Variants in P2RY8 observed in about 807,000 individuals in gnomAD.
P2RY8 encodes P2Y receptor family member 8.
A neutral mutation model predicts 10.0 loss-of-function variants in P2RY8; 6 were observed. The ratio of observed to expected loss-of-function variants is 0.60; its 90% confidence interval spans 0.33 to 1.19. The LOEUF is 1.19. P2RY8 is among the 50% of genes most tolerant of loss of function. P2RY8 has a pLI of 0.04. For synonymous variants in P2RY8, 276 were observed against 252.5 expected (o/e 1.09, Z -0.88); for missense variants, 456 against 542.0 (o/e 0.84, Z 1.58).
intron 1 of P2RY8, among the ~76,000 whole-genome samples, chrX:1,476,664 T>C (rs1453813672): frequency 6.6e-6 from 1 of 151,904 alleles, no homozygotes; most frequent in Non-Finnish European, 1.5e-5. Context: ...ATGCCAGGTC[T>C]AGAAGAACAA....
At chrX:1,477,199 A>AAAG (rs1556675926) in intron 1 of P2RY8, among the ~76,000 whole-genome samples, 3 of 148,366 alleles carry the variant, frequency 2.0e-5, no homozygotes, top group Non-Finnish European at 3.0e-5. Context: ...AAAAAAAAAA[A>AAAG]AAGAAGAAGA....
At chrX:1,471,806 C>CT (rs1336389586) in intron 1 of P2RY8, among the ~76,000 whole-genome samples, 19 of 152,216 alleles carry the variant, frequency 1.2e-4, no homozygotes, top group African/African-American at 4.6e-4. Context: ...GTGACAGACC[C>CT]TTTTTTGCCA....
At chrX:1,524,282 CCACT>C (rs1356546487) in intron 1 of P2RY8, among the ~76,000 whole-genome samples, 17 of 152,052 alleles carry the variant, frequency 1.1e-4, no homozygotes, top group African/African-American at 4.1e-4. Flanking sequence ...TTCTGCGGAT[CCACT>C]CATCCCTTTA....
chrX:1,508,696 TCCATCCATTCTATCTA>T (rs1471071869), intron 1 of P2RY8, among the ~76,000 whole-genome samples: 1 of 91,216 alleles, frequency 1.1e-5, no homozygotes, highest in Admixed American at 1.1e-4. Context: ...CATCCATCCA[TCCATCCATTCTATCTA>T]TCTATCTATC....
At chrX:1,482,686 C>G (rs1187270772) in intron 1 of P2RY8, among the ~76,000 whole-genome samples, 1 of 152,054 alleles carries the variant, frequency 6.6e-6, no homozygotes, top group African/African-American at 2.4e-5. Flanking sequence ...TTTCAGCTTT[C>G]AACATATGGC....
chrX:1,477,442 T>A (rs2091888595), intron 1 of P2RY8, among the ~76,000 whole-genome samples: 1 of 152,256 alleles, frequency 6.6e-6, no homozygotes, highest in Admixed American at 6.5e-5. Flanking sequence ...ATCATCTTTC[T>A]ATGGATCTTT....
chrX:1,477,740 G>T lies in P2RY8; in HGVS notation c.-24-11158C>A, dbSNP rs1203831770. Among the ~76,000 whole-genome samples, 7 of 152,200 alleles carry T rather than the reference G, an allele frequency of 4.6e-5. No homozygotes were observed. In the East Asian group the frequency reaches 1.3e-3, roughly 29 times the overall value. ...GATCATCTGGGCTGAAATGTCAGCA[G>T]TGCTAAGGCTGAGAAACCTGCCCTC... On this transcript the variant is annotated intron_variant, in intron 1 of 1. Transcript: ENST00000381297.
At chrX:1,486,590 T>A (rs192688446) in intron 1 of P2RY8, among the ~76,000 whole-genome samples, 2 of 152,252 alleles carry the variant, frequency 1.3e-5, no homozygotes, top group African/African-American at 4.8e-5. Flanking sequence ...ACTTTCCCCC[T>A]AAAGGGGGTG....
intron 1 of P2RY8, among the ~76,000 whole-genome samples, chrX:1,467,906 T>C (rs1473328643): frequency 1.3e-5 from 2 of 152,172 alleles, no homozygotes; most frequent in Non-Finnish European, 2.9e-5. Flanking sequence ...CTCAAACTCC[T>C]GGCCTCAAGC....
chrX:1,512,247 G>A (rs2092303172), intron 1 of P2RY8, among the ~76,000 whole-genome samples: 1 of 152,030 alleles, frequency 6.6e-6, no homozygotes, highest in South Asian at 2.1e-4. Flanking sequence ...TTCTCACGCT[G>A]CTAATAAAGA....
chrX:1,474,819 T>A (rs1194288211), intron 1 of P2RY8, among the ~76,000 whole-genome samples: 4 of 148,186 alleles, frequency 2.7e-5, no homozygotes, highest in Non-Finnish European at 6.0e-5. Flanking sequence ...GCTGGATAGA[T>A]GAATAGGTGT....
chrX:1,531,339 G>T (rs1363144863), intron 1 of P2RY8, among the ~76,000 whole-genome samples: 85 of 152,254 alleles, frequency 5.6e-4, no homozygotes, highest in African/African-American at 1.9e-3. Flanking sequence ...TGTGCCTTTT[G>T]TGTCTCATGA....
Position 1,524,669 on chromosome X carries a change from T to TCCATTCATC in P2RY8, c.-25+12251_-25+12252insGATGAATGG, listed in dbSNP as rs1556686043. On this transcript the variant is annotated intron_variant, in intron 1 of 1. Transcript: ENST00000381297. ...TACATCCATCCATCCATCCATCCAT[T>TCCATTCATC]CATCCATCCATCCATCCATCCATCC... Among the ~76,000 whole-genome samples, 30 of 51,062 alleles carry TCCATTCATC rather than the reference T, an allele frequency of 5.9e-4. 1 individual carries two copies. The highest frequency in any genetic ancestry group is 8.9e-4 in the East Asian group (1 of 1,118). The allele number at this position is 51,062 out of a possible 152,430, so 33.5% of individuals were successfully genotyped here.
At chrX:1,473,776 G>T (rs2091834026) in intron 1 of P2RY8, among the ~76,000 whole-genome samples, 1 of 149,182 alleles carries the variant, frequency 6.7e-6, no homozygotes, top group Admixed American at 6.7e-5. Context: ...TAGATGGATG[G>T]GTGGGTGGAT....
chrX:1,533,737 A>C (rs2092500448), intron 1 of P2RY8, among the ~76,000 whole-genome samples: 1 of 124,040 alleles, frequency 8.1e-6, no homozygotes, highest in African/African-American at 3.2e-5. Context: ...TATATTATTC[A>C]TATATTATTT....
intron 1 of P2RY8, among the ~76,000 whole-genome samples, chrX:1,522,520 G>A (rs138892563): frequency 0.018 from 2,789 of 152,296 alleles, 72 homozygotes; most frequent in African/African-American, 0.064. Flanking sequence ...GGCCAGGCAC[G>A]TTGTCTCATG....
intron 1 of P2RY8, among the ~76,000 whole-genome samples, chrX:1,532,138 G>A (rs4409583): frequency 0.84 from 127,699 of 151,970 alleles, 54,428 homozygotes; most frequent in East Asian, 0.98. Context: ...AAAGATACTT[G>A]CACAGGCATG....
intron 1 of P2RY8, among the ~76,000 whole-genome samples, chrX:1,506,936 A>G (rs1259485898): frequency 8.3e-6 from 1 of 121,212 alleles, no homozygotes; most frequent in East Asian, 2.8e-4. Context: ...TAGGCCTCCC[A>G]AAGTGCTGGG....
intron 1 of P2RY8, among the ~76,000 whole-genome samples, chrX:1,470,670 T>G (rs1445513042): frequency 6.6e-6 from 1 of 152,108 alleles, no homozygotes; most frequent in African/African-American, 2.4e-5. Context: ...ATATGTGGTC[T>G]TTTGTGTCTA....
Sources: gnomAD v4.1 joint callset for allele counts (sites outside exome capture counted in the v4.1 genomes callset) on GRCh38, gnomAD v4.1.1 for gene constraint, MANE v1.5 for transcripts, NCBI Gene and HGNC (gene_info 2026-07-23, HGNC 2026-07-21) for gene names.